Variants in COL28A1 observed in about 807,000 individuals in gnomAD.
COL28A1 encodes collagen alpha-1(XXVIII) chain.
COL28A1 carries 161 observed loss-of-function variants against 150.2 expected under a neutral mutation model. The observed-to-expected ratio is 1.07, with a 90% CI of 0.94 to 1.22. The LOEUF (loss-of-function observed/expected upper bound fraction) is 1.22, where lower values mean the gene tolerates loss of function less well. Among genes scored for constraint, COL28A1 ranks in the 50% most tolerant of loss-of-function variants. COL28A1 has a pLI of 0.00. For missense variants in COL28A1, 1,617 were observed against 1,388.3 expected (o/e 1.16, Z -2.62); for synonymous variants, 552 against 469.7 (o/e 1.18, Z -2.26).
At chr7:7,532,987 G>C in intron 1 of COL28A1, 75 bp from the exon 2 acceptor site, 2 of 1,344,484 alleles carry the variant, frequency 1.5e-6, no homozygotes, top group Non-Finnish European at 1.9e-6. Context: ...AAGCCAGCAG[G>C]GTTGAAAACT....
chr7:7,436,301 G>A (rs1329301239), intron 23 of COL28A1, 94 bp downstream of exon 23: 1 of 798,756 alleles, frequency 1.3e-6, no homozygotes. Context: ...AATCAATGTA[G>A]AAACCTCACA....
the COL28A1 span, among the ~76,000 whole-genome samples, chr7:7,347,820 C>T: frequency 6.6e-6 from 1 of 151,982 alleles, no homozygotes; most frequent in Non-Finnish European, 1.5e-5. Flanking sequence ...AAGGCTGGAG[C>T]TGAAACATAA....
chr7:7,445,947 C>T (rs150258059), intron 18 of COL28A1, among the ~76,000 whole-genome samples: 52 of 151,996 alleles, frequency 3.4e-4, no homozygotes, highest in African/African-American at 1.2e-3. Flanking sequence ...CTACCTCCGC[C>T]TCCCGGGTTC....
chr7:7,477,569 G>A (rs1025972896), intron 13 of COL28A1, among the ~76,000 whole-genome samples: 14 of 152,160 alleles, frequency 9.2e-5, no homozygotes, highest in Non-Finnish European at 1.9e-4. Flanking sequence ...AAAAGGCAGC[G>A]CGTCCAGAGT....
intron 25 of COL28A1, among the ~76,000 whole-genome samples, chr7:7,430,119 T>C (rs555076316): frequency 1.4e-4 from 22 of 152,172 alleles, no homozygotes; most frequent in African/African-American, 4.3e-4. Flanking sequence ...TTCATAAGAA[T>C]TGGGTTTTTT....
chr7:7,430,039 G>A (rs899951059), intron 25 of COL28A1, among the ~76,000 whole-genome samples: 1 of 152,172 alleles, frequency 6.6e-6, no homozygotes, highest in Non-Finnish European at 1.5e-5. Context: ...ACTTTTGGAG[G>A]AAAATGGCAT....
chr7:7,375,872 C>T (rs1262355696), intron 30 of COL28A1, among the ~76,000 whole-genome samples: 1 of 152,104 alleles, frequency 6.6e-6, no homozygotes, highest in African/African-American at 2.4e-5. Flanking sequence ...TGCTGTGGTG[C>T]TATATATACA....
Position 7,432,630 on chromosome 7 carries a change from A to T in COL28A1, c.1929+2T>A, listed in dbSNP as rs372433721. The T allele has an allele frequency of 6.2e-7, 1 of 1,613,992 alleles. No homozygotes were observed. On this transcript the variant is annotated splice_donor_variant, in intron 24 of 34. Coordinates refer to ENST00000399429, the MANE Select transcript of COL28A1 (RefSeq NM_001037763.3). LOFTEE classifies it high-confidence loss of function. Reference sequence around the variant, plus strand: ...GAGGGAAGAAAAAAATGTCCCACTTACAGGCACACCAGGATAGCCATCACC... The same window carrying T: ...GAGGGAAGAAAAAAATGTCCCACTTTCAGGCACACCAGGATAGCCATCACC...
intron 31 of COL28A1, among the ~76,000 whole-genome samples, chr7:7,374,037 AAATATATATAT>A: frequency 9.1e-6 from 1 of 110,156 alleles, no homozygotes; most frequent in East Asian, 2.9e-4. Flanking sequence ...AAAAAAAAAA[AAATATATATAT>A]ATATATATAT....
chr7:7,526,754 G>A (rs970505224), intron 3 of COL28A1, among the ~76,000 whole-genome samples: 27 of 152,084 alleles, frequency 1.8e-4, no homozygotes, highest in African/African-American at 6.0e-4. Context: ...TCCTGCCTCA[G>A]CCTCTGAAAT....
At position 7,443,589 on chromosome 7, in the gene COL28A1, G is replaced by A. The variant is rs1785986190; in HGVS notation, c.1646C>T (p.Pro549Leu). The A allele has an allele frequency of 1.2e-6, 2 of 1,613,890 alleles. No homozygotes were observed. The highest frequency in any genetic ancestry group is 2.2e-5 in the East Asian group (1 of 44,894). ...CCAACACTGTCATTTCCATACCTTG[G>A]GGCCAGGCTGTCCTTTTCCAGGTGG... Reference protein sequence around the residue: ...EGPPGKGQPGPKGDEGKKGSK... With the variant: ...EGPPGKGQPGLKGDEGKKGSK... Residue 549 changes from proline (P) to leucine (L), a missense_variant, in exon 20 of 35, where the codon CCC (proline) becomes CTC (leucine). Transcript: ENST00000399429.
In COL28A1 at chr7:7,441,290, C is replaced by T. The variant is rs762137186; in HGVS notation, c.1651-429G>A. Among the ~76,000 whole-genome samples the T allele has an allele frequency of 1.2e-4, 19 of 152,108 alleles. 1 individual carries two copies. Among genetic ancestry groups the T allele is most frequent in the Non-Finnish European group, 2.2e-4 (15 of 68,012 alleles). On this transcript the variant is annotated intron_variant, in intron 20 of 34. Coordinates refer to ENST00000399429, the MANE Select transcript of COL28A1 (RefSeq NM_001037763.3). ...CATTTTAAAAATCACAGCCCTATTT[C>T]GTCCTCACTGGGGAGTCTAATTCTT...
chr7:7,386,053 C>G (rs992928221), intron 27 of COL28A1, among the ~76,000 whole-genome samples: 14 of 152,140 alleles, frequency 9.2e-5, no homozygotes, highest in African/African-American at 3.4e-4. Flanking sequence ...TTATTGGAAG[C>G]TATAATTAAA....
At chr7:7,344,693 TG>T in the COL28A1 span, among the ~76,000 whole-genome samples, 155 of 152,144 alleles carry the variant, frequency 1.0e-3, no homozygotes, top group Admixed American at 9.2e-4. Context: ...TAGCATCTAG[TG>T]GGTAGAAGCT....
chr7:7,505,345 C>G (rs1780751114), intron 11 of COL28A1, among the ~76,000 whole-genome samples: 1 of 152,056 alleles, frequency 6.6e-6, no homozygotes, highest in South Asian at 2.1e-4. Flanking sequence ...TTACTATATC[C>G]GTGAAATTTA....
intron 15 of COL28A1, among the ~76,000 whole-genome samples, chr7:7,464,433 T>C (rs534070601): frequency 1.3e-5 from 2 of 152,240 alleles, no homozygotes; most frequent in East Asian, 3.9e-4. Context: ...CCTCAATAAG[T>C]TCAAGAAAAG....
intron 30 of COL28A1, among the ~76,000 whole-genome samples, chr7:7,376,858 ACACTCT>A (rs1781577328): frequency 1.3e-5 from 2 of 152,096 alleles, no homozygotes; most frequent in African/African-American, 4.8e-5. Context: ...TCTGCGATAC[ACACTCT>A]CACACTGTAC....
chr7:7,524,060 T>C (rs1389409807), intron 4 of COL28A1, among the ~76,000 whole-genome samples, 169 bp downstream of exon 4: 1 of 152,240 alleles, frequency 6.6e-6, no homozygotes, highest in Non-Finnish European at 1.5e-5. Flanking sequence ...GCATTGAATA[T>C]GGTAGTATAA....
chr7:7,460,508 C>T (rs916024125), intron 15 of COL28A1, among the ~76,000 whole-genome samples: 12 of 151,998 alleles, frequency 7.9e-5, no homozygotes, highest in Admixed American at 2.0e-4. Context: ...CTCAGCCTCC[C>T]GAGTAGCTGG....
Sources: allele counts gnomAD v4.1 joint callset (sites outside exome capture counted in the v4.1 genomes callset), GRCh38; gene constraint gnomAD v4.1.1; transcripts MANE v1.5; gene names NCBI Gene and HGNC (gene_info 2026-07-23, HGNC 2026-07-21).